Variants in P2RX3 observed in about 807,000 individuals in gnomAD.
P2RX3 encodes the protein purinergic receptor P2X 3, also known as P2X purinoceptor 3.
Under a neutral mutation model 51.5 loss-of-function variants are expected in P2RX3, and 41 were observed. That is an observed-to-expected ratio of 0.80 (90% CI 0.62 to 1.03). The LOEUF (loss-of-function observed/expected upper bound fraction) is 1.03, where lower values mean the gene tolerates loss of function less well. P2RX3 is among the 50% of genes least tolerant of loss of function. The pLI, the probability that P2RX3 is intolerant of heterozygous loss-of-function variation, is 0.00. For missense variants in P2RX3, 459 were observed against 522.1 expected (o/e 0.88, Z 1.18); for synonymous variants, 185 against 191.6 (o/e 0.97, Z 0.29).
At position 57,346,543 on chromosome 11, in the gene P2RX3, G is replaced by C; in HGVS notation, c.120-1G>C. On this transcript the variant is annotated splice_acceptor_variant, in intron 1 of 11. Transcript: ENST00000263314. LOFTEE classifies it high-confidence loss of function. ...TCTTCATTTATGCTCTCCTGCCCCA[G>C]GTGGGTTTTCTTGCACGAGAAGGCT... The C allele has an allele frequency of 6.2e-7, 1 of 1,614,022 alleles. No homozygotes were observed. The highest frequency in any genetic ancestry group is 8.5e-7 in the Non-Finnish European group (1 of 1,179,972).
At chr11:57,362,407 A>G (rs968172202) in intron 8 of P2RX3, among the ~76,000 whole-genome samples, 1 of 152,212 alleles carries the variant, frequency 6.6e-6, no homozygotes, top group African/African-American at 2.4e-5. Flanking sequence ...GGACTTGGGG[A>G]AAATCAAGGC....
chr11:57,348,480 C>G, intron 5 of P2RX3, 147 bp from the exon 6 acceptor site: 1 of 725,172 alleles, frequency 1.4e-6, no homozygotes, highest in South Asian at 1.8e-5. Flanking sequence ...ACAGACAGCC[C>G]CTTCCTATAG....
rs1289397532 is a variant in P2RX3 at position 57,347,531 on chromosome 11, G to C, written c.391+53G>C. ...AATCCCAAGTGTTAGTGGGACCCAT[G>C]GGGGAGAGCCCGTCGTTGGAGAGGG... is the stretch of plus-strand genomic sequence containing the variant. On this transcript the variant is annotated intron_variant, in intron 4 of 11. Coordinates refer to ENST00000263314, the MANE Select transcript of P2RX3 (RefSeq NM_002559.5). 2.6e-6 allele frequency: 4 copies of C among 1,533,994 alleles called. No homozygotes were observed. In the African/African-American group the frequency reaches 4.1e-5, roughly 16 times the overall value.
chr11:57,360,307 T>C (rs571460088), intron 8 of P2RX3, among the ~76,000 whole-genome samples: 1 of 152,258 alleles, frequency 6.6e-6, no homozygotes, highest in African/African-American at 2.4e-5. Flanking sequence ...AGCCTGTTGT[T>C]ACTACCTTAT....
chr11:57,364,129 T>C (rs1233332916), intron 8 of P2RX3, among the ~76,000 whole-genome samples: 1 of 152,138 alleles, frequency 6.6e-6, no homozygotes, highest in African/African-American at 2.4e-5. Context: ...GATTTCCGGA[T>C]GACAGGCCCA....
intron 1 of P2RX3, among the ~76,000 whole-genome samples, chr11:57,343,084 G>GC (rs1856371288): frequency 6.6e-6 from 1 of 152,266 alleles, no homozygotes; most frequent in African/African-American, 2.4e-5. Context: ...TCCAGAGACA[G>GC]CCTCAGCCCC....
chr11:57,343,032 G>A (rs1447789434), intron 1 of P2RX3, among the ~76,000 whole-genome samples: 1 of 152,216 alleles, frequency 6.6e-6, no homozygotes, highest in Non-Finnish European at 1.5e-5. Flanking sequence ...TAAATGCCAA[G>A]AATCGAAGGC....
intron 4 of P2RX3, 116 bp from the exon 5 acceptor site, chr11:57,348,054 C>A (rs1856473563): frequency 2.2e-6 from 2 of 919,812 alleles, no homozygotes; most frequent in African/African-American, 1.7e-5. Context: ...CTTTTCCCTG[C>A]CTGCTCTTTT....
chr11:57,361,194 G>A (rs1275841402), intron 8 of P2RX3, among the ~76,000 whole-genome samples: 2 of 152,060 alleles, frequency 1.3e-5, no homozygotes, highest in African/African-American at 4.8e-5. Context: ...CCGTGAGAGG[G>A]CCTGCAGATC....
At chr11:57,361,668 C>T (rs1333620560) in intron 8 of P2RX3, among the ~76,000 whole-genome samples, 3 of 152,200 alleles carry the variant, frequency 2.0e-5, no homozygotes, top group African/African-American at 2.4e-5. Flanking sequence ...ATATATACCA[C>T]ATTTTCTTTA....
chr11:57,346,425 C>A (rs1856432188), intron 1 of P2RX3, 119 bp from the exon 2 acceptor site: 3 of 1,257,834 alleles, frequency 2.4e-6, no homozygotes, highest in Non-Finnish European at 3.3e-6. Flanking sequence ...CTGGAAGGAA[C>A]CATCCGCACA....
In P2RX3 at chr11:57,348,674, G is replaced by A; in HGVS notation, c.533G>A (p.Ser178Asn). The A allele has an allele frequency of 6.2e-7, 1 of 1,613,794 alleles. No homozygotes were observed. The highest frequency in any genetic ancestry group is 8.5e-7 in the Non-Finnish European group (1 of 1,179,964). The part of the protein sequence containing the change: ...AENFTIFIKN[S>N]IRFPLFNFEK... Reference sequence around the variant, plus strand: ...AACTTCACTATTTTCATCAAGAACAGCATCCGTTTCCCCCTCTTCAACTTT... The same window carrying A: ...AACTTCACTATTTTCATCAAGAACAACATCCGTTTCCCCCTCTTCAACTTT... Residue 178 changes from serine to asparagine, a missense_variant, in exon 6 of 12, where the codon AGC (serine) becomes AAC (asparagine). By Grantham distance (46) the Ser-to-Asn change is conservative. Transcript: ENST00000263314.
rs1241950455 is a variant in P2RX3 at position 57,339,708 on chromosome 11, TC to T, written c.119+1040del. Among the ~76,000 whole-genome samples, 7 of 152,282 alleles carry T rather than the reference TC, an allele frequency of 4.6e-5. No homozygotes were observed. In the East Asian group the frequency reaches 1.4e-3, roughly 29 times the overall value. On this transcript the variant is annotated intron_variant, in intron 1 of 11. Coordinates refer to ENST00000263314, the MANE Select transcript of P2RX3 (RefSeq NM_002559.5). ...TTATGCTGTTCTTTCAGACAATGGGTCTTTGCATTTGAGGCAGCAATCCACT... is the reference window on the plus strand; with the variant it reads ...TTATGCTGTTCTTTCAGACAATGGGTTTTGCATTTGAGGCAGCAATCCACT...
Position 57,350,747 on chromosome 11 carries a change from G to A in P2RX3, c.706-15G>A, listed in dbSNP as rs998511522. The A allele has an allele frequency of 2.0e-6, 3 of 1,509,878 alleles. No homozygotes were observed. Among genetic ancestry groups the A allele is most frequent in the African/African-American group, 2.8e-5 (2 of 71,232 alleles). The allele number at this position is 1,509,878 out of a possible 1,614,324, so 93.5% of individuals were successfully genotyped here. ...GAGGGCGAGGGGAAAGCTCATACCCGGCCCGTTTCTTCAGGGGGGAGTTCT... is the reference window on the plus strand; with the variant it reads ...GAGGGCGAGGGGAAAGCTCATACCCAGCCCGTTTCTTCAGGGGGGAGTTCT... On this transcript the variant is annotated splice_polypyrimidine_tract_variant and intron_variant, in intron 7 of 11. Coordinates refer to ENST00000263314, the MANE Select transcript of P2RX3 (RefSeq NM_002559.5).
At chr11:57,349,734 CCT>C (rs758245356) in intron 6 of P2RX3, 21 bp from the exon 7 acceptor site, 3 of 1,613,794 alleles carry the variant, frequency 1.9e-6, no homozygotes, top group Non-Finnish European at 2.5e-6. Context: ...CCTGGGCTGA[CCT>C]CTCTCTCTGC....
At chr11:57,361,082 G>A (rs532360598) in intron 8 of P2RX3, among the ~76,000 whole-genome samples, 12 of 152,292 alleles carry the variant, frequency 7.9e-5, no homozygotes, top group Admixed American at 2.6e-4. Context: ...ACAATTGGCT[G>A]CCAGCTGGGA....
chr11:57,336,662 C>A (rs1288186245), upstream of P2RX3, among the ~76,000 whole-genome samples: 2 of 152,200 alleles, frequency 1.3e-5, no homozygotes, highest in African/African-American at 4.8e-5. Context: ...GGACCCAGAC[C>A]TCCTTAACAC....
intron 5 of P2RX3, 168 bp downstream of exon 5, chr11:57,348,431 C>T (rs1480461696): frequency 1.5e-5 from 11 of 730,118 alleles, no homozygotes; most frequent in Non-Finnish European, 2.0e-5. Flanking sequence ...CTTCCCCAGC[C>T]CACCCACCTG....
intron 8 of P2RX3, among the ~76,000 whole-genome samples, chr11:57,351,422 A>C (rs1008976896): frequency 3.9e-5 from 6 of 152,234 alleles, no homozygotes; most frequent in Non-Finnish European, 7.3e-5. Flanking sequence ...TCTCCAAACA[A>C]GAACTCAGAC....
Sources: allele counts gnomAD v4.1 joint callset (sites outside exome capture counted in the v4.1 genomes callset), GRCh38; gene constraint gnomAD v4.1.1; transcripts MANE v1.5; gene names NCBI Gene and HGNC (gene_info 2026-07-23, HGNC 2026-07-21).